The following ARNT2 variants were observed in gnomAD, a reference collection of about 807,000 sequenced individuals.
ARNT2 encodes the protein ARNT protein 2.
A neutral mutation model predicts 91.7 loss-of-function variants in ARNT2; 36 were observed. The ratio of observed to expected loss-of-function variants is 0.39; its 90% CI spans 0.30 to 0.52. The LOEUF (loss-of-function observed/expected upper bound fraction) is 0.52. Ranked by LOEUF, ARNT2 falls within the 20% of genes least tolerant of loss-of-function variation. The probability of loss-of-function intolerance (pLI) is 0.72; values close to 1 mark genes in which losing one functional copy is unlikely to be tolerated. For synonymous variants in ARNT2, 365 were observed against 347.1 expected (o/e 1.05, Z -0.57); for missense variants, 775 against 939.3 (o/e 0.83, Z 2.29).
At chr15:80,554,478 T>A (rs1898141239) in intron 10 of ARNT2, 1 of 152,268 alleles carries the variant, frequency 6.6e-6, no homozygotes, top group Non-Finnish European at 1.5e-5. Context: ...CTACAACACT[T>A]TTGAAGTTAT....
chr15:80,475,087 T>C lies in ARNT2; in HGVS notation c.486T>C (p.Tyr162=), dbSNP rs1896780904. 2.5e-6 allele frequency: 4 copies of C among 1,614,100 alleles called. No homozygotes were observed. Among genetic ancestry groups the C allele is most frequent in the Non-Finnish European group, 2.5e-6 (3 of 1,180,048 alleles). ...CTGCTGAGACAGGGCGAGTGATTTATGTGTCTGACTCCGTCACCCCTGTTC... is the reference window on the plus strand; with the variant it reads ...CTGCTGAGACAGGGCGAGTGATTTACGTGTCTGACTCCGTCACCCCTGTTC... ...VVAAETGRVI[Y]VSDSVTPVLN... is the part of the protein sequence containing the mutation. Residue 162 remains tyrosine, a synonymous_variant, in exon 5 of 19, where the codon TAT becomes TAC. Transcript: ENST00000303329.
intron 5 of ARNT2, among the ~76,000 whole-genome samples, chr15:80,494,074 A>G (rs1221736605): frequency 1.3e-5 from 2 of 152,214 alleles, no homozygotes; most frequent in African/African-American, 2.4e-5. Flanking sequence ...TTGCAGAACC[A>G]TGAACCCAAT....
chr15:80,499,692 C>T (rs1356707033), intron 5 of ARNT2, among the ~76,000 whole-genome samples: 2 of 152,178 alleles, frequency 1.3e-5, no homozygotes, highest in Non-Finnish European at 2.9e-5. Flanking sequence ...CTATCCTAGT[C>T]TTGGGACCAA....
intron 8 of ARNT2, among the ~76,000 whole-genome samples, chr15:80,526,066 G>A (rs1897635215): frequency 6.6e-6 from 1 of 152,158 alleles, no homozygotes; most frequent in African/African-American, 2.4e-5. Flanking sequence ...TTGTACACTC[G>A]TTGTTCTTTC....
At chr15:80,416,202 C>A (rs568950341) in intron 1 of ARNT2, among the ~76,000 whole-genome samples, 1 of 152,302 alleles carries the variant, frequency 6.6e-6, no homozygotes, top group East Asian at 1.9e-4. Flanking sequence ...AGTTTACAGA[C>A]AAGTTGCAGG....
chr15:80,554,341 G>A (rs904095722), intron 10 of ARNT2, among the ~76,000 whole-genome samples: 11 of 152,084 alleles, frequency 7.2e-5, no homozygotes, highest in Middle Eastern at 3.2e-3. Context: ...CCCAGGAGGC[G>A]GAGGTTGCAG....
chr15:80,522,795 CATAT>C (rs1158382950), intron 8 of ARNT2, among the ~76,000 whole-genome samples: 9 of 127,190 alleles, frequency 7.1e-5, no homozygotes, highest in African/African-American at 2.7e-4. Flanking sequence ...TTGATATTTA[CATAT>C]GTGTGTGTGT....
intron 6 of ARNT2, among the ~76,000 whole-genome samples, chr15:80,512,446 C>T (rs1023349316): frequency 4.6e-5 from 7 of 152,210 alleles, no homozygotes; most frequent in Non-Finnish European, 7.3e-5. Flanking sequence ...ACAGAAAGCA[C>T]GCATGTCTCC....
intron 4 of ARNT2, among the ~76,000 whole-genome samples, chr15:80,470,927 G>A (rs924699797): frequency 1.3e-5 from 2 of 152,248 alleles, no homozygotes; most frequent in Non-Finnish European, 2.9e-5. Context: ...TACACTGCTG[G>A]TGGGAGTGTA....
intron 17 of ARNT2, among the ~76,000 whole-genome samples, chr15:80,590,392 C>T (rs567902999): frequency 2.8e-3 from 430 of 152,216 alleles, no homozygotes; most frequent in African/African-American, 9.9e-3. Context: ...CGTTTTTAGA[C>T]AAAATTCCAC....
intron 3 of ARNT2, among the ~76,000 whole-genome samples, chr15:80,463,918 C>T (rs1896606655): frequency 6.6e-6 from 1 of 152,134 alleles, no homozygotes; most frequent in Admixed American, 6.6e-5. Flanking sequence ...GATGGACCTG[C>T]ACCTTGATGT....
chr15:80,493,572 G>A (rs1410027015), intron 5 of ARNT2, among the ~76,000 whole-genome samples: 1 of 152,170 alleles, frequency 6.6e-6, no homozygotes, highest in East Asian at 1.9e-4. Flanking sequence ...GGTGATATGA[G>A]GGGGCTCTGC....
chr15:80,587,305 G>A (rs918109059), intron 17 of ARNT2, among the ~76,000 whole-genome samples: 1 of 151,646 alleles, frequency 6.6e-6, no homozygotes, highest in Non-Finnish European at 1.5e-5. Context: ...CTTCCTTATA[G>A]GGGGTTCAGC....
At position 80,404,684 on chromosome 15, in the gene ARNT2, A is replaced by G. The variant is rs1895571886; in HGVS notation, c.31+138A>G. 2.3e-6 allele frequency: 1 copy of G among 439,682 alleles called. No individual in the cohort carries two copies. Among genetic ancestry groups the G allele is most frequent in the South Asian group, 9.6e-5 (1 of 10,398 alleles). 27.2% of individuals were successfully genotyped at this position (439,682 alleles called of 1,614,324 possible). A position where few individuals can be genotyped will look rare whatever the true frequency, so the allele number is the denominator to read the frequency against. On this transcript the variant is annotated intron_variant, in intron 1 of 18. Transcript: ENST00000303329. This position sits in a 1 kb window ranked among gnomAD's most constrained non-coding sequence, Gnocchi z 5.5. The stretch of plus-strand genomic sequence containing the variant: ...GGTGGGTGGTGGAGCGGCTGTCACT[A>G]CGCGGCAGCCGCAGCATCAGCACCA...
chr15:80,474,820 G>A (rs1007298046), intron 4 of ARNT2, among the ~76,000 whole-genome samples, 190 bp from the exon 5 acceptor site: 2 of 152,216 alleles, frequency 1.3e-5, no homozygotes, highest in Non-Finnish European at 2.9e-5. Context: ...TAGCTGTATC[G>A]TAGGGATGGT....
intron 11 of ARNT2, among the ~76,000 whole-genome samples, chr15:80,559,797 T>G (rs1369625258): frequency 6.6e-6 from 1 of 152,230 alleles, no homozygotes; most frequent in Non-Finnish European, 1.5e-5. Context: ...ATGAGGATGT[T>G]GAAGGGGGCT....
chr15:80,433,410 C>G (rs1009988634), intron 1 of ARNT2, among the ~76,000 whole-genome samples: 1 of 151,684 alleles, frequency 6.6e-6, no homozygotes, highest in Admixed American at 6.6e-5. Context: ...CTCAGCCTCT[C>G]GAGTAGCTGG....
At chr15:80,498,516 G>T (rs1897149882) in intron 5 of ARNT2, among the ~76,000 whole-genome samples, 1 of 152,176 alleles carries the variant, frequency 6.6e-6, no homozygotes, top group Non-Finnish European at 1.5e-5. Context: ...GCAAAAGCTA[G>T]GCTGTCCCAG....
chr15:80,459,805 A>T (rs1896527961), intron 3 of ARNT2, among the ~76,000 whole-genome samples: 1 of 152,242 alleles, frequency 6.6e-6, no homozygotes, highest in Non-Finnish European at 1.5e-5. Flanking sequence ...GGAAGATAGG[A>T]TGTGTTTCCA....
Sources: allele counts gnomAD v4.1 joint callset (sites outside exome capture counted in the v4.1 genomes callset), GRCh38; gene constraint gnomAD v4.1.1; non-coding constraint Gnocchi (gnomAD v3.1); transcripts MANE v1.5; gene names NCBI Gene and HGNC (gene_info 2026-07-23, HGNC 2026-07-21).